The following SNX29 variants were observed in gnomAD, a reference collection of about 807,000 sequenced individuals.
The protein encoded by SNX29 is sorting nexin-29.
In SNX29, 78 loss-of-function variants were observed where a neutral mutation model predicts 102.1. The ratio of observed to expected loss-of-function variants is 0.76; its 90% CI spans 0.64 to 0.92. The LOEUF (loss-of-function observed/expected upper bound fraction) is 0.92, where lower values mean the gene tolerates loss of function less well. Among genes scored for constraint, SNX29 ranks in the 40% least tolerant of loss-of-function variants. The pLI is 0.00. For missense variants in SNX29, 1,280 were observed against 1,061.7 expected, an observed-to-expected ratio of 1.21 and a Z score of -2.86; for synonymous variants, 580 against 414.5, an observed-to-expected ratio of 1.40 and a Z score of -4.85.
intron 20 of SNX29, among the ~76,000 whole-genome samples, chr16:12,553,034 TG>T (rs1236530009): frequency 6.6e-6 from 1 of 152,174 alleles, no homozygotes; most frequent in Non-Finnish European, 1.5e-5. Flanking sequence ...TTTAAGAGGC[TG>T]GGGACACTAA....
chr16:12,172,461 C>A (rs1421989392), intron 13 of SNX29, among the ~76,000 whole-genome samples: 4 of 152,060 alleles, frequency 2.6e-5, no homozygotes, highest in South Asian at 2.1e-4. Flanking sequence ...GGGTGGGATC[C>A]CACCTCTACC....
At chr16:12,539,115 C>A (rs1051549191) in intron 20 of SNX29, among the ~76,000 whole-genome samples, 2 of 152,160 alleles carry the variant, frequency 1.3e-5, no homozygotes, top group Admixed American at 1.3e-4. Context: ...CCTTTACTTT[C>A]ACAAAAAATT....
chr16:12,562,408 C>T (rs148559772), intron 20 of SNX29, among the ~76,000 whole-genome samples: 3 of 152,268 alleles, frequency 2.0e-5, no homozygotes, highest in Admixed American at 6.5e-5. Flanking sequence ...ACATACCATA[C>T]AATTTACCCA....
chr16:12,324,361 G>C (rs922653431), intron 15 of SNX29, among the ~76,000 whole-genome samples: 1 of 152,036 alleles, frequency 6.6e-6, no homozygotes, highest in South Asian at 2.1e-4. Context: ...TGTCCAAACA[G>C]GATGACCTTT....
chr16:12,361,922 G>A (rs2082310952), intron 16 of SNX29, among the ~76,000 whole-genome samples: 1 of 145,592 alleles, frequency 6.9e-6, no homozygotes, highest in African/African-American at 2.7e-5. Flanking sequence ...TTCTAGGTAT[G>A]AGTGATGCCT....
At chr16:12,159,688 T>G (rs984519160) in intron 13 of SNX29, among the ~76,000 whole-genome samples, 5 of 152,150 alleles carry the variant, frequency 3.3e-5, no homozygotes, top group African/African-American at 1.2e-4. Context: ...AAGGAGACCC[T>G]GTCTCTATTA....
chr16:12,151,225 C>A (rs541589238), intron 13 of SNX29, among the ~76,000 whole-genome samples: 1 of 152,250 alleles, frequency 6.6e-6, no homozygotes, highest in Admixed American at 6.5e-5. Context: ...TACAGCAAGT[C>A]CTAGATGTTA....
intron 20 of SNX29, among the ~76,000 whole-genome samples, chr16:12,565,500 T>TGTC (rs766499293): frequency 4.6e-5 from 7 of 152,168 alleles, no homozygotes; most frequent in Non-Finnish European, 8.8e-5. Flanking sequence ...TCCAAGCCTG[T>TGTC]GTCCCGAGAC....
intron 11 of SNX29, among the ~76,000 whole-genome samples, chr16:12,082,398 G>A (rs954204443): frequency 1.3e-5 from 2 of 152,120 alleles, no homozygotes; most frequent in Admixed American, 6.5e-5. Context: ...TGCGTCTCAG[G>A]TCCACATAGA....
intron 15 of SNX29, among the ~76,000 whole-genome samples, chr16:12,348,690 G>GA (rs1488061218): frequency 6.6e-6 from 1 of 152,238 alleles, no homozygotes; most frequent in Non-Finnish European, 1.5e-5. Context: ...CGTATGCTGA[G>GA]AGGGAGGAGA....
chr16:12,333,560 C>T, intron 15 of SNX29, among the ~76,000 whole-genome samples: 1 of 152,048 alleles, frequency 6.6e-6, no homozygotes, highest in East Asian at 1.9e-4. Flanking sequence ...TTTGTTCATT[C>T]AACAACATTT....
At chr16:12,364,416 C>CTTCTTTTTTTTTTTTTTTTTTT (rs1555520124) in intron 16 of SNX29, among the ~76,000 whole-genome samples, 2 of 98,794 alleles carry the variant, frequency 2.0e-5, no homozygotes, top group African/African-American at 6.7e-5. Context: ...CTCTCTTCTT[C>CTTCTTTTTTTTTTTTTTTTTTT]TTTTTTTTTT....
chr16:12,060,593 A>G (rs181537911), intron 8 of SNX29, among the ~76,000 whole-genome samples: 29 of 152,254 alleles, frequency 1.9e-4, no homozygotes, highest in African/African-American at 7.0e-4. Flanking sequence ...ACAGAGCAAG[A>G]CTCCAACTCT....
At chr16:11,990,015 G>T (rs565003231) in intron 1 of SNX29, among the ~76,000 whole-genome samples, 1 of 152,196 alleles carries the variant, frequency 6.6e-6, no homozygotes, top group Admixed American at 6.5e-5. Flanking sequence ...TAAAATGTCA[G>T]GTCTGTCACC....
chr16:12,053,822 C>T (rs987277845), intron 8 of SNX29, among the ~76,000 whole-genome samples: 2 of 152,048 alleles, frequency 1.3e-5, no homozygotes, highest in Non-Finnish European at 2.9e-5. Flanking sequence ...TGTAAGACGT[C>T]TAGCAGCCCT....
chr16:11,999,256 C>T lies in SNX29; in HGVS notation c.8-41C>T, dbSNP rs760479399. On this transcript the variant is annotated intron_variant, in intron 1 of 20. Coordinates refer to ENST00000566228, the MANE Select transcript of SNX29 (RefSeq NM_032167.5). ...TGATCTAGTTGGGGACAGCCGTGTC[C>T]GAGCGTCAGAGAGAACTAATTAAGC... 1.3e-5 allele frequency: 21 copies of T among 1,602,400 alleles called. No individual in the cohort carries two copies. The South Asian group carries it at 1.3e-4, about 10-fold the overall frequency.
intron 15 of SNX29, among the ~76,000 whole-genome samples, chr16:12,287,464 T>C (rs976086565): frequency 2.6e-5 from 4 of 152,198 alleles, no homozygotes; most frequent in Admixed American, 6.5e-5. Context: ...TCAATAGTTA[T>C]CAACTCTTGT....
chr16:12,365,104 C>T (rs942289940), intron 16 of SNX29, among the ~76,000 whole-genome samples: 2 of 152,074 alleles, frequency 1.3e-5, no homozygotes, highest in Non-Finnish European at 2.9e-5. Flanking sequence ...TGAATGTAAA[C>T]CCAGGACTCT....
At chr16:12,092,400 C>T (rs778315073) in intron 11 of SNX29, among the ~76,000 whole-genome samples, 18 of 152,124 alleles carry the variant, frequency 1.2e-4, no homozygotes, top group Non-Finnish European at 2.6e-4. Context: ...TCCCAGAGGG[C>T]GGGCTCCAGT....
Sources: gnomAD v4.1 joint callset for allele counts (sites outside exome capture counted in the v4.1 genomes callset) on GRCh38, gnomAD v4.1.1 for gene constraint, MANE v1.5 for transcripts, NCBI Gene and HGNC (gene_info 2026-07-23, HGNC 2026-07-21) for gene names.